Variants in CDK8 observed in about 807,000 individuals in gnomAD.
CDK8 encodes the protein cyclin dependent kinase 8, also known as cyclin-dependent kinase 8.
In CDK8, 29 loss-of-function variants were observed where a neutral mutation model predicts 71.5. That is an observed-to-expected ratio of 0.41 (90% CI 0.30 to 0.55). The LOEUF (loss-of-function observed/expected upper bound fraction) is 0.55. Ranked by LOEUF, CDK8 falls within the 20% of genes least tolerant of loss-of-function variation. CDK8 has a pLI of 0.37. For synonymous variants in CDK8, 161 were observed against 192.1 expected (o/e 0.84, Z 1.34); for missense variants, 288 against 572.6 (o/e 0.50, Z 5.07).
chr13:26,330,982 G>T (rs1409498494), intron 1 of CDK8, among the ~76,000 whole-genome samples: 1 of 152,114 alleles, frequency 6.6e-6, no homozygotes, highest in Non-Finnish European at 1.5e-5. Flanking sequence ...GGATTGAATG[G>T]TATTTCGATT....
At chr13:26,272,399 A>G (rs1417825461) in intron 1 of CDK8, among the ~76,000 whole-genome samples, 1 of 152,168 alleles carries the variant, frequency 6.6e-6, no homozygotes, top group African/African-American at 2.4e-5. Flanking sequence ...GATCATCAGT[A>G]TCACTGTCTT....
chr13:26,329,843 C>T (rs146778567), intron 1 of CDK8, among the ~76,000 whole-genome samples: 13 of 152,162 alleles, frequency 8.5e-5, no homozygotes, highest in African/African-American at 3.1e-4. Context: ...GGGCTGTCAC[C>T]GGTAGCCATT....
intron 1 of CDK8, among the ~76,000 whole-genome samples, chr13:26,313,642 C>A (rs757220002): frequency 3.9e-5 from 6 of 152,088 alleles, no homozygotes; most frequent in Non-Finnish European, 8.8e-5. Flanking sequence ...TATTTAATCT[C>A]CAAAGTGTAT....
chr13:26,351,141 A>G (rs1173720317), intron 3 of CDK8, among the ~76,000 whole-genome samples: 1 of 152,084 alleles, frequency 6.6e-6, no homozygotes, highest in African/African-American at 2.4e-5. Context: ...ATCTAACATT[A>G]CCTTGTGTTA....
intron 4 of CDK8, among the ~76,000 whole-genome samples, chr13:26,379,355 A>G (rs926536697): frequency 1.3e-5 from 2 of 152,208 alleles, no homozygotes; most frequent in African/African-American, 4.8e-5. Flanking sequence ...TTAATTATTA[A>G]CTGGAGCTTG....
At chr13:26,364,776 ACTTT>A (rs890002749) in intron 4 of CDK8, among the ~76,000 whole-genome samples, 12 of 152,332 alleles carry the variant, frequency 7.9e-5, no homozygotes, top group African/African-American at 2.6e-4. Context: ...CCATATATAC[ACTTT>A]CTTTCTTTCT....
At position 26,296,667 on chromosome 13, in the gene CDK8, G is replaced by A. The variant is rs140519163; in HGVS notation, c.129-40900G>A. On this transcript the variant is annotated intron_variant, in intron 1 of 12. Coordinates refer to ENST00000381527, the MANE Select transcript of CDK8 (RefSeq NM_001260.3). ...ATGAAGTTAACATTAATCTATTGAG[G>A]TAAAATACCCCTATTGGTGTTGTCA... Among the ~76,000 whole-genome samples the A allele has an allele frequency of 5.0e-3, 763 of 152,182 alleles. 5 individuals are homozygous for A. Among genetic ancestry groups the A allele is most frequent in the African/African-American group, 0.017 (719 of 41,500 alleles).
At chr13:26,338,328 A>G (rs912164947) in intron 2 of CDK8, among the ~76,000 whole-genome samples, 1 of 152,086 alleles carries the variant, frequency 6.6e-6, no homozygotes, top group Non-Finnish European at 1.5e-5. Context: ...CCCTTCTATT[A>G]TATTTACCCA....
At chr13:26,292,427 G>C (rs1223943840) in intron 1 of CDK8, among the ~76,000 whole-genome samples, 3 of 152,172 alleles carry the variant, frequency 2.0e-5, no homozygotes, top group Admixed American at 6.6e-5. Context: ...TTTTTGTGCT[G>C]TAAGATGGCT....
At chr13:26,265,151 ATCT>A (rs1871966702) in intron 1 of CDK8, among the ~76,000 whole-genome samples, 4 of 152,060 alleles carry the variant, frequency 2.6e-5, no homozygotes, top group Admixed American at 2.6e-4. Context: ...TTTTTGAGAA[ATCT>A]TCGTACTGTT....
intron 1 of CDK8, among the ~76,000 whole-genome samples, chr13:26,308,373 A>T (rs1015186938): frequency 6.6e-6 from 1 of 152,146 alleles, no homozygotes; most frequent in Non-Finnish European, 1.5e-5. Context: ...TGCATCTTTG[A>T]CCCTTTCTCT....
At chr13:26,380,427 C>T (rs1450667018) in intron 4 of CDK8, among the ~76,000 whole-genome samples, 1 of 152,112 alleles carries the variant, frequency 6.6e-6, no homozygotes, top group East Asian at 1.9e-4. Context: ...GCGACCCGCC[C>T]ACCTTGGCTT....
At chr13:26,359,968 G>C (rs185982255) in intron 4 of CDK8, among the ~76,000 whole-genome samples, 1 of 152,138 alleles carries the variant, frequency 6.6e-6, no homozygotes, top group African/African-American at 2.4e-5. Context: ...TGCCCACCTC[G>C]ACCTCCCAAA....
At chr13:26,272,910 G>T (rs1270815545) in intron 1 of CDK8, among the ~76,000 whole-genome samples, 3 of 152,158 alleles carry the variant, frequency 2.0e-5, no homozygotes, top group African/African-American at 7.2e-5. Context: ...GTGCATGACT[G>T]TATTTGGCTT....
At chr13:26,357,988 A>T (rs1873966299) in intron 4 of CDK8, among the ~76,000 whole-genome samples, 2 of 152,236 alleles carry the variant, frequency 1.3e-5, no homozygotes, top group African/African-American at 4.8e-5. Flanking sequence ...ACTATGGTCC[A>T]GCCAAATTTA....
chr13:26,265,169 A>G (rs9512170), intron 1 of CDK8, among the ~76,000 whole-genome samples: 8,195 of 152,216 alleles, frequency 0.054, 266 homozygotes, highest in South Asian at 0.07. Flanking sequence ...ACTGTTTTTT[A>G]TAGTGGCTGT....
At chr13:26,276,141 G>A (rs1252361363) in intron 1 of CDK8, among the ~76,000 whole-genome samples, 2 of 152,168 alleles carry the variant, frequency 1.3e-5, no homozygotes, top group Non-Finnish European at 2.9e-5. Flanking sequence ...GATTACAGGC[G>A]TGAGTAACCG....
At chr13:26,348,093 G>A (rs112363396) in intron 2 of CDK8, among the ~76,000 whole-genome samples, 1 of 151,442 alleles carries the variant, frequency 6.6e-6, no homozygotes, top group African/African-American at 2.4e-5. Context: ...TATCTATATA[G>A]ATATATATAT....
At chr13:26,372,008 T>C (rs1198502336) in intron 4 of CDK8, among the ~76,000 whole-genome samples, 2 of 152,124 alleles carry the variant, frequency 1.3e-5, no homozygotes, top group East Asian at 1.9e-4. Flanking sequence ...ATTTAATAGG[T>C]TACGTGGCAT....
Sources: gnomAD v4.1 joint callset for allele counts (sites outside exome capture counted in the v4.1 genomes callset) on GRCh38, gnomAD v4.1.1 for gene constraint, MANE v1.5 for transcripts, NCBI Gene and HGNC (gene_info 2026-07-23, HGNC 2026-07-21) for gene names.